GALNT18: variants seen among roughly 807,000 people sequenced by gnomAD.
GALNT18 encodes the protein GalNAc-transferase 18.
Under a neutral mutation model 69.5 loss-of-function variants are expected in GALNT18, and 44 were observed. The observed-to-expected ratio is 0.63, with a 90% confidence interval of 0.50 to 0.81. The LOEUF (loss-of-function observed/expected upper bound fraction) is 0.81. Ranked by LOEUF, GALNT18 falls within the 40% of genes least tolerant of loss-of-function variation. GALNT18 has a pLI of 0.00. For missense variants in GALNT18, 715 were observed against 810.0 expected, an observed-to-expected ratio of 0.88 and a Z score of 1.42; for synonymous variants, 364 against 318.2, an observed-to-expected ratio of 1.14 and a Z score of -1.53.
rs989784596 is a variant in GALNT18 at position 11,598,819 on chromosome 11, A to C, written c.235+22540T>G. Among the ~76,000 whole-genome samples, 2 of 151,664 alleles carry C rather than the reference A, an allele frequency of 1.3e-5. No homozygotes were observed. The highest frequency in any genetic ancestry group is 4.9e-5 in the African/African-American group (2 of 41,136). On this transcript the variant is annotated intron_variant, in intron 1 of 10. Transcript: ENST00000227756. The surrounding 1 kb of genome is among the most constrained non-coding windows in gnomAD (Gnocchi z 4.8). ...TTCATTCACCTCAAAATAGTGTGCA[A>C]TTTCCCTTTTCTTCTTCTATCCCTT...
chr11:11,418,080 G>C (rs1249789900), intron 3 of GALNT18, among the ~76,000 whole-genome samples: 3 of 152,208 alleles, frequency 2.0e-5, no homozygotes, highest in Admixed American at 1.3e-4. Flanking sequence ...GCTCAGCCAT[G>C]CATTGTTTAA....
At chr11:11,342,229 C>T (rs911338703) in intron 6 of GALNT18, among the ~76,000 whole-genome samples, 1 of 152,138 alleles carries the variant, frequency 6.6e-6, no homozygotes, top group African/African-American at 2.4e-5. Context: ...ATGATAGATG[C>T]TTCATCAGTC....
In GALNT18 at chr11:11,339,128, G is replaced by A. The variant is rs781172983; in HGVS notation, c.1278+1691C>T. Among the ~76,000 whole-genome samples, 6 of 152,138 alleles carry A rather than the reference G, an allele frequency of 3.9e-5. No homozygotes were observed. The East Asian group carries it at 7.8e-4, about 20-fold the overall frequency. On this transcript the variant is annotated intron_variant, in intron 7 of 10. Coordinates refer to ENST00000227756, the MANE Select transcript of GALNT18 (RefSeq NM_198516.3). This position sits in a 1 kb window ranked among gnomAD's most constrained non-coding sequence, Gnocchi z 5.2. ...GGAAGGAGAGGACATTTGGACACAG[G>A]GAACAGGAGAGGAAAGAGAATTATT...
chr11:11,369,826 T>C (rs987021119), intron 6 of GALNT18, among the ~76,000 whole-genome samples: 1 of 152,044 alleles, frequency 6.6e-6, no homozygotes, highest in African/African-American at 2.4e-5. Context: ...AAAAAGAGCA[T>C]GAAATAAGAA....
chr11:11,449,301 C>T (rs1855737866), intron 1 of GALNT18, among the ~76,000 whole-genome samples: 1 of 152,228 alleles, frequency 6.6e-6, no homozygotes, highest in African/African-American at 2.4e-5. Flanking sequence ...GCTTCTCTGT[C>T]CCTAGCCTGT....
rs1856249791 is a variant in GALNT18, at chr11:11,470,754, G to A, written c.236-21818C>T. Among the ~76,000 whole-genome samples the A allele has an allele frequency of 6.6e-6, 1 of 152,056 alleles. No individual in the cohort carries two copies. The highest frequency in any genetic ancestry group is 1.5e-5 in the Non-Finnish European group (1 of 68,024). On this transcript the variant is annotated intron_variant, in intron 1 of 10. Coordinates refer to ENST00000227756, the MANE Select transcript of GALNT18 (RefSeq NM_198516.3). This position sits in a 1 kb window ranked among gnomAD's most constrained non-coding sequence, Gnocchi z 4.8. Reference sequence around the variant, plus strand: ...GCCCCTGTGAGCCCTGTGCTGGGCAGCATCTCCCCAGACTACAGAACAGGA... The same window carrying A: ...GCCCCTGTGAGCCCTGTGCTGGGCAACATCTCCCCAGACTACAGAACAGGA...
intron 1 of GALNT18, among the ~76,000 whole-genome samples, chr11:11,553,077 G>C (rs1858239535): frequency 6.6e-6 from 1 of 152,166 alleles, no homozygotes; most frequent in South Asian, 2.1e-4. Flanking sequence ...GTGTCTCCTG[G>C]GAACCTGTGA....
At chr11:11,502,071 G>A (rs146798380) in intron 1 of GALNT18, among the ~76,000 whole-genome samples, 96 of 152,310 alleles carry the variant, frequency 6.3e-4, no homozygotes, top group Non-Finnish European at 1.0e-3. Flanking sequence ...GCCCAAAGCA[G>A]GAAGTCTGCA....
chr11:11,372,556 T>C lies in GALNT18; in HGVS notation c.1051A>G (p.Met351Val). Residue 351 changes from methionine to valine, a missense_variant, in exon 6 of 11, where the codon ATG becomes GTG. Transcript: ENST00000227756. The surrounding 1 kb of genome is among the most constrained non-coding windows in gnomAD (Gnocchi z 4.9). Reference sequence around the variant, plus strand: ...ACATTCTCGCCCCCGTAGACTTCCATGCCTTCGTCCAGCAGGCCGATCTCC... The same window carrying C: ...ACATTCTCGCCCCCGTAGACTTCCACGCCTTCGTCCAGCAGGCCGATCTCC... ...FQEIGLLDEG[M>V]EVYGGENVEL... 1 of 1,614,210 alleles carries C rather than the reference T, an allele frequency of 6.2e-7. No individual in the cohort carries two copies. Among genetic ancestry groups the C allele is most frequent in the Non-Finnish European group, 8.5e-7 (1 of 1,180,030 alleles).
intron 10 of GALNT18, among the ~76,000 whole-genome samples, chr11:11,276,637 G>C (rs1848953946): frequency 6.6e-6 from 1 of 152,000 alleles, no homozygotes; most frequent in Admixed American, 6.6e-5. Context: ...GTATGATATT[G>C]GCTGTGGGTT....
intron 1 of GALNT18, among the ~76,000 whole-genome samples, chr11:11,449,291 G>A (rs185472748): frequency 2.4e-4 from 36 of 152,270 alleles, no homozygotes; most frequent in African/African-American, 8.7e-4. Flanking sequence ...CTGGGCATCT[G>A]CTTCTCTGTC....
rs375756224 is a variant in GALNT18 at position 11,616,273 on chromosome 11, A to G, written c.235+5086T>C. Among the ~76,000 whole-genome samples the G allele has an allele frequency of 3.2e-4, 48 of 152,358 alleles. No individual in the cohort carries two copies. The highest frequency in any genetic ancestry group is 1.1e-3 in the African/African-American group (47 of 41,594). ...AAATCAAAAGAATAGAGCATTTGACAGGGATTACATTTACTCGGAAAAATT... is the reference window on the plus strand; with the variant it reads ...AAATCAAAAGAATAGAGCATTTGACGGGGATTACATTTACTCGGAAAAATT... On this transcript the variant is annotated intron_variant, in intron 1 of 10. Coordinates refer to ENST00000227756, the MANE Select transcript of GALNT18 (RefSeq NM_198516.3). The surrounding 1 kb of genome is among the most constrained non-coding windows in gnomAD (Gnocchi z 4.4).
chr11:11,271,322 G>C, intron 10 of GALNT18, 32 bp from the exon 11 acceptor site: 1 of 1,596,928 alleles, frequency 6.3e-7, no homozygotes, highest in Non-Finnish European at 8.6e-7. Context: ...GGGGTCAGAG[G>C]GCATAGAGGC....
chr11:11,601,060 A>G lies in GALNT18; in HGVS notation c.235+20299T>C, dbSNP rs1859622365. ...TTTTCATGATGCCTTTAATTTTTTC[A>G]GCATAGTTTCCTTTAGTTCTTTGAA... On this transcript the variant is annotated intron_variant, in intron 1 of 10. Coordinates refer to ENST00000227756, the MANE Select transcript of GALNT18 (RefSeq NM_198516.3). The surrounding 1 kb of genome is among the most constrained non-coding windows in gnomAD (Gnocchi z 4.0). Among the ~76,000 whole-genome samples, 1 of 152,054 alleles carries G rather than the reference A, an allele frequency of 6.6e-6. No individual in the cohort carries two copies. Among genetic ancestry groups the G allele is most frequent in the African/African-American group, 2.4e-5 (1 of 41,410 alleles).
intron 1 of GALNT18, among the ~76,000 whole-genome samples, chr11:11,517,424 C>T (rs1341357235): frequency 2.0e-5 from 3 of 152,146 alleles, no homozygotes; most frequent in East Asian, 3.9e-4. Flanking sequence ...CTTTCTTCCT[C>T]CTGGGAAAAA....
intron 10 of GALNT18, among the ~76,000 whole-genome samples, chr11:11,292,009 C>G (rs1005380202): frequency 6.6e-6 from 1 of 152,136 alleles, no homozygotes; most frequent in African/African-American, 2.4e-5. Context: ...TTCCAAAGCT[C>G]CTTGCAGTGC....
intron 9 of GALNT18, among the ~76,000 whole-genome samples, chr11:11,319,497 A>T (rs1055378786): frequency 1.3e-5 from 2 of 152,188 alleles, no homozygotes; most frequent in African/African-American, 4.8e-5. Context: ...ACACAGACAC[A>T]CACATGGAGA....
At chr11:11,493,954 C>T (rs368546059) in intron 1 of GALNT18, among the ~76,000 whole-genome samples, 1 of 152,258 alleles carries the variant, frequency 6.6e-6, no homozygotes, top group East Asian at 1.9e-4. Flanking sequence ...GAACCTGGCT[C>T]TAGAATCAGA....
chr11:11,587,873 G>A lies in GALNT18; in HGVS notation c.235+33486C>T, dbSNP rs543352420. Among the ~76,000 whole-genome samples the A allele has an allele frequency of 2.0e-4, 30 of 151,898 alleles. No individual in the cohort carries two copies. The highest frequency in any genetic ancestry group is 6.5e-4 in the African/African-American group (27 of 41,422). ...ATAAGAACACAAAATATAGAAATCCGAAAGGAAAGAGAGAGGCAGGGGGAG... is the reference window on the plus strand; with the variant it reads ...ATAAGAACACAAAATATAGAAATCCAAAAGGAAAGAGAGAGGCAGGGGGAG... On this transcript the variant is annotated intron_variant, in intron 1 of 10. Coordinates refer to ENST00000227756, the MANE Select transcript of GALNT18 (RefSeq NM_198516.3). The surrounding 1 kb of genome is among the most constrained non-coding windows in gnomAD (Gnocchi z 4.4).
Sources: allele counts gnomAD v4.1 joint callset (sites outside exome capture counted in the v4.1 genomes callset), GRCh38; gene constraint gnomAD v4.1.1; non-coding constraint Gnocchi (gnomAD v3.1); transcripts MANE v1.5; gene names NCBI Gene and HGNC (gene_info 2026-07-23, HGNC 2026-07-21).